The following RELN variants were observed in gnomAD, a reference collection of about 807,000 sequenced individuals.
The protein encoded by RELN is reelin.
RELN carries 108 observed loss-of-function variants against 427.6 expected under a neutral mutation model. The ratio of observed to expected loss-of-function variants is 0.25; its 90% CI spans 0.22 to 0.30. The LOEUF (loss-of-function observed/expected upper bound fraction) is 0.30, where lower values mean the gene tolerates loss of function less well. Among genes scored for constraint, RELN ranks in the 10% least tolerant of loss-of-function variants. The pLI is 1.00. For missense variants in RELN, 3,715 were observed against 4,302.8 expected (o/e 0.86, Z 3.82); for synonymous variants, 1,524 against 1,513.4 (o/e 1.01, Z -0.16).
intron 36 of RELN, 56 bp from the exon 37 acceptor site, chr7:103,558,105 C>T: frequency 1.2e-6 from 1 of 850,086 alleles, no homozygotes; most frequent in Non-Finnish European, 2.0e-6. Flanking sequence ...AAATTGTATC[C>T]CTTTGATTTT....
At chr7:103,766,537 G>T (rs1479729627) in intron 4 of RELN, among the ~76,000 whole-genome samples, 1 of 152,154 alleles carries the variant, frequency 6.6e-6, no homozygotes, top group Non-Finnish European at 1.5e-5. Context: ...CAATAGTTGG[G>T]TATAAAGTTA....
intron 46 of RELN, among the ~76,000 whole-genome samples, chr7:103,531,508 C>T (rs1223178121): frequency 1.3e-5 from 2 of 152,092 alleles, no homozygotes; most frequent in Non-Finnish European, 2.9e-5. Context: ...TTAGGAGCAC[C>T]AGCATCCGTT....
At chr7:103,627,001 GTTC>G (rs1832342967) in intron 20 of RELN, among the ~76,000 whole-genome samples, 1 of 152,020 alleles carries the variant, frequency 6.6e-6, no homozygotes, top group African/African-American at 2.4e-5. Context: ...ACTGACTGTA[GTTC>G]TTCTAATGAA....
chr7:103,890,189 C>A (rs2116588097), intron 2 of RELN, among the ~76,000 whole-genome samples: 1 of 115,854 alleles, frequency 8.6e-6, no homozygotes, highest in East Asian at 2.7e-4. Flanking sequence ...TCTGCATAGG[C>A]ACTCTGAACT....
chr7:103,769,776 C>G (rs547165665), intron 4 of RELN, among the ~76,000 whole-genome samples: 29 of 152,246 alleles, frequency 1.9e-4, no homozygotes, highest in South Asian at 1.7e-3. Flanking sequence ...ACTCTGTGAC[C>G]GTGATGAATC....
chr7:103,519,125 G>A (rs893654921), intron 49 of RELN, among the ~76,000 whole-genome samples, 198 bp downstream of exon 49: 2 of 152,040 alleles, frequency 1.3e-5, no homozygotes, highest in Non-Finnish European at 2.9e-5. Context: ...CTTATTCTGG[G>A]ATGTGAAAAC....
chr7:103,932,423 C>A (rs10238550), intron 1 of RELN, among the ~76,000 whole-genome samples: 75,873 of 151,856 alleles, frequency 0.5, 21,103 homozygotes, highest in African/African-American at 0.75. Context: ...GAGCAGAAAA[C>A]AACAACCATT....
chr7:103,654,650 G>A (rs1228135371), intron 12 of RELN, among the ~76,000 whole-genome samples: 2 of 152,054 alleles, frequency 1.3e-5, no homozygotes, highest in Non-Finnish European at 2.9e-5. Flanking sequence ...TAGTCAAACT[G>A]TTGCACATAG....
At chr7:103,478,582 A>T in intron 63 of RELN, 188 bp from the exon 64 acceptor site, 1 of 611,670 alleles carries the variant, frequency 1.6e-6, no homozygotes, top group Non-Finnish European at 2.9e-6. Context: ...CAAGATCTAC[A>T]TATACTTTTC....
chr7:103,943,848 CAAAAAA>C (rs10631941), intron 1 of RELN, among the ~76,000 whole-genome samples: 2 of 76,440 alleles, frequency 2.6e-5, no homozygotes, highest in African/African-American at 1.2e-4. Context: ...ATTCTGTCTC[CAAAAAA>C]AAAAAAAAAA....
intron 63 of RELN, among the ~76,000 whole-genome samples, chr7:103,481,435 C>A (rs1828232995): frequency 6.6e-6 from 1 of 152,110 alleles, no homozygotes; most frequent in Admixed American, 6.5e-5. Context: ...TATTGGCAAG[C>A]CACTTGAAAG....
chr7:103,664,495 T>G (rs1562946686), intron 11 of RELN, among the ~76,000 whole-genome samples: 1 of 152,206 alleles, frequency 6.6e-6, no homozygotes, highest in Non-Finnish European at 1.5e-5. Context: ...AAGGAATCTC[T>G]GCTGAGAAAG....
At chr7:103,773,264 TCTCC>T (rs1445525599) in intron 4 of RELN, among the ~76,000 whole-genome samples, 1 of 106,914 alleles carries the variant, frequency 9.4e-6, no homozygotes, top group Non-Finnish European at 1.9e-5. Context: ...TCCCTCCCTC[TCTCC>T]CTGTCTCTCT....
At chr7:103,523,355 G>A (rs1207707817) in intron 47 of RELN, 36 bp downstream of exon 47, 1 of 1,613,508 alleles carries the variant, frequency 6.2e-7, no homozygotes, top group African/African-American at 1.3e-5. Flanking sequence ...TGTGAATCAG[G>A]AGCTTTCAAC....
intron 22 of RELN, among the ~76,000 whole-genome samples, chr7:103,606,187 C>T (rs1031403955): frequency 6.6e-6 from 1 of 152,072 alleles, no homozygotes; most frequent in African/African-American, 2.4e-5. Context: ...GAGTCAAGTC[C>T]ACGGCCACGG....
At chr7:103,574,445 G>A (rs751813425) in intron 29 of RELN, 146 bp from the exon 30 acceptor site, 35 of 730,458 alleles carry the variant, frequency 4.8e-5, no homozygotes, top group African/African-American at 3.0e-4. Context: ...CACAACTGTC[G>A]GTCTGAAAGA....
intron 2 of RELN, among the ~76,000 whole-genome samples, chr7:103,886,566 G>T (rs937654063): frequency 6.6e-6 from 1 of 152,142 alleles, no homozygotes; most frequent in African/African-American, 2.4e-5. Context: ...GTGTGAACAT[G>T]AAAGTCATCT....
chr7:103,684,662 C>T (rs759542935), intron 10 of RELN, among the ~76,000 whole-genome samples: 25 of 152,038 alleles, frequency 1.6e-4, no homozygotes, highest in Non-Finnish European at 3.2e-4. Context: ...TTGTAGAAGC[C>T]ATTTAACCCC....
At chr7:103,654,841 A>G (rs1832992715) in intron 12 of RELN, among the ~76,000 whole-genome samples, 1 of 152,096 alleles carries the variant, frequency 6.6e-6, no homozygotes, top group Non-Finnish European at 1.5e-5. Flanking sequence ...AATTAAGATC[A>G]TCTTGATGAT....
Sources: allele counts gnomAD v4.1 joint callset (sites outside exome capture counted in the v4.1 genomes callset), GRCh38; gene constraint gnomAD v4.1.1; transcripts MANE v1.5; gene names NCBI Gene and HGNC (gene_info 2026-07-23, HGNC 2026-07-21).